The following SLC6A6 variants were observed in gnomAD, a reference collection of about 807,000 sequenced individuals.
The protein encoded by SLC6A6 is sodium- and chloride-dependent taurine transporter.
SLC6A6 carries 16 observed loss-of-function variants against 68.8 expected under a neutral mutation model. The observed-to-expected ratio is 0.23, with a 90% CI of 0.16 to 0.35. The LOEUF is 0.35. Among genes scored for constraint, SLC6A6 ranks in the 10% least tolerant of loss-of-function variants. The probability of loss-of-function intolerance (pLI) is 1.00; values close to 1 mark genes in which losing one functional copy is unlikely to be tolerated. For missense variants in SLC6A6, 474 were observed against 802.8 expected, an observed-to-expected ratio of 0.59 and a Z score of 4.95; for synonymous variants, 312 against 315.4, an observed-to-expected ratio of 0.99 and a Z score of 0.12.
chr3:14,483,242 C>T (rs1232679139), intron 14 of SLC6A6, among the ~76,000 whole-genome samples: 2 of 152,178 alleles, frequency 1.3e-5, no homozygotes, highest in Admixed American at 6.5e-5. Context: ...CACACTGGTA[C>T]CCCGTCCTCC....
In SLC6A6 at chr3:14,468,754, C is replaced by T. The variant is rs755278509; in HGVS notation, c.1096+542C>T. Among the ~76,000 whole-genome samples, 13 of 152,276 alleles carry T rather than the reference C, an allele frequency of 8.5e-5. No homozygotes were observed. Among genetic ancestry groups the T allele is most frequent in the Middle Eastern group, 3.4e-3 (1 of 294 alleles). The stretch of plus-strand genomic sequence containing the variant: ...TGGGGGGAGGGCGTAGATGAGGGGA[C>T]GACCTACTGGGACGGTGGCAGATCC... On this transcript the variant is annotated intron_variant, in intron 9 of 14. Transcript: ENST00000622186. The surrounding 1 kb of genome is among the most constrained non-coding windows in gnomAD (Gnocchi z 4.5).
At position 14,415,701 on chromosome 3, in the gene SLC6A6, A is replaced by G. The variant is rs565373455; in HGVS notation, c.-53-711A>G. On this transcript the variant is annotated intron_variant, in intron 1 of 14. Coordinates refer to ENST00000622186, the MANE Select transcript of SLC6A6 (RefSeq NM_003043.6). ...TTCCCAAACTGAGCTTCTACTGAAA[A>G]AGACAACAGAACCCCCCCGCTCCAA... Among the ~76,000 whole-genome samples, 3 of 152,128 alleles carry G rather than the reference A, an allele frequency of 2.0e-5. No homozygotes were observed. The South Asian group carries it at 6.2e-4, about 32-fold the overall frequency.
Position 14,444,006 on chromosome 3 carries a change from G to A in SLC6A6, c.229+143G>A, listed in dbSNP as rs1200519829. 1.7e-5 allele frequency: 11 copies of A among 629,546 alleles called. No homozygotes were observed. The Admixed American group carries it at 2.4e-4, about 14-fold the overall frequency. 39.0% of individuals were successfully genotyped at this position (629,546 alleles called of 1,614,324 possible). On this transcript the variant is annotated intron_variant, in intron 3 of 14. Transcript: ENST00000622186. Reference sequence around the variant, plus strand: ...GACCTCCATGAGGTCAGCCTGCCATGCTCCTGCCAACCCCACCCTTAGAGA... The same window carrying A: ...GACCTCCATGAGGTCAGCCTGCCATACTCCTGCCAACCCCACCCTTAGAGA...
At chr3:14,459,256 G>C (rs1700440388) in intron 6 of SLC6A6, among the ~76,000 whole-genome samples, 1 of 152,236 alleles carries the variant, frequency 6.6e-6, no homozygotes, top group African/African-American at 2.4e-5. Flanking sequence ...TAGCATTCCA[G>C]ATGGAGCTGT....
At position 14,479,165 on chromosome 3, in the gene SLC6A6, A is replaced by ATCAC. The variant is rs1433921456; in HGVS notation, c.1534_1537dup (p.Pro513HisfsTer58). On this transcript the variant is annotated frameshift_variant, in exon 13 of 15. Coordinates refer to ENST00000622186, the MANE Select transcript of SLC6A6 (RefSeq NM_003043.6). LOFTEE classifies it high-confidence loss of function. ...CTGGATGAAGTACAGCTGGGCTGTG[A>ATCAC]TCACTCCAGTTCTCTGTGTTGTGAG... The ATCAC allele has an allele frequency of 6.2e-7, 1 of 1,610,250 alleles. No individual in the cohort carries two copies. The highest frequency in any genetic ancestry group is 1.3e-5 in the African/African-American group (1 of 74,810).
At chr3:14,433,618 A>G (rs62231855) in intron 2 of SLC6A6, among the ~76,000 whole-genome samples, 32,631 of 151,856 alleles carry the variant, frequency 0.21, 3,614 homozygotes, top group South Asian at 0.25. Flanking sequence ...CCTGGCCAAC[A>G]TGGTGAAACC....
intron 2 of SLC6A6, among the ~76,000 whole-genome samples, chr3:14,422,190 G>A (rs754587720): frequency 1.3e-5 from 2 of 152,104 alleles, no homozygotes; most frequent in East Asian, 1.9e-4. Flanking sequence ...AGACAGCCTC[G>A]GGGGTTTTGG....
intron 1 of SLC6A6, among the ~76,000 whole-genome samples, chr3:14,415,172 C>T (rs963751359): frequency 2.0e-5 from 3 of 152,190 alleles, no homozygotes; most frequent in African/African-American, 7.2e-5. Context: ...CACTGCTGAG[C>T]TTCATGTGCC....
chr3:14,433,883 A>T (rs1699791555), intron 2 of SLC6A6, among the ~76,000 whole-genome samples: 1 of 150,312 alleles, frequency 6.7e-6, no homozygotes, highest in Non-Finnish European at 1.5e-5. Context: ...TCCCTTTCAG[A>T]GTAGAAGGGA....
intron 2 of SLC6A6, among the ~76,000 whole-genome samples, chr3:14,428,948 T>A (rs142296525): frequency 3.3e-5 from 5 of 152,258 alleles, no homozygotes; most frequent in Non-Finnish European, 7.4e-5. Context: ...CTCATTCCTG[T>A]CCTTAGAGAC....
At chr3:14,423,043 G>T (rs1699517972) in intron 2 of SLC6A6, among the ~76,000 whole-genome samples, 1 of 152,198 alleles carries the variant, frequency 6.6e-6, no homozygotes, top group African/African-American at 2.4e-5. Flanking sequence ...TGAGAAGGAA[G>T]CCAGGATTGA....
At chr3:14,414,064 G>A (rs1452067222) in intron 1 of SLC6A6, among the ~76,000 whole-genome samples, 1 of 152,062 alleles carries the variant, frequency 6.6e-6, no homozygotes, top group Non-Finnish European at 1.5e-5. Flanking sequence ...AAAGCCTGGG[G>A]CCATACTTCA....
Position 14,458,093 on chromosome 3 carries a change from C to T in SLC6A6, c.732+11C>T, listed in dbSNP as rs980718220. On this transcript the variant is annotated intron_variant, in intron 6 of 14. Coordinates refer to ENST00000622186, the MANE Select transcript of SLC6A6 (RefSeq NM_003043.6). ...AGGTCCACTGGGAAGGTAAGTTGGA[C>T]TTCTGTCCGTCCCCTGCCTCCTGGA... is the stretch of plus-strand genomic sequence containing the variant. The T allele has an allele frequency of 6.2e-7, 1 of 1,613,092 alleles. No individual in the cohort carries two copies. The highest frequency in any genetic ancestry group is 2.2e-5 in the East Asian group (1 of 44,878).
At chr3:14,476,951 A>G (rs1700892527) in intron 10 of SLC6A6, among the ~76,000 whole-genome samples, 1 of 152,198 alleles carries the variant, frequency 6.6e-6, no homozygotes, top group African/African-American at 2.4e-5. Flanking sequence ...AGAGGTGTGG[A>G]ATATTTGGCC....
At chr3:14,410,477 G>C (rs1699226935) in intron 1 of SLC6A6, among the ~76,000 whole-genome samples, 1 of 152,204 alleles carries the variant, frequency 6.6e-6, no homozygotes, top group Non-Finnish European at 1.5e-5. Flanking sequence ...TTCCTGGAAA[G>C]CTCAAGAAGG....
At chr3:14,466,435 C>G (rs992001605) in intron 6 of SLC6A6, 81 bp from the exon 7 acceptor site, 21 of 1,489,774 alleles carry the variant, frequency 1.4e-5, no homozygotes, top group Non-Finnish European at 1.8e-5. Context: ...CAGTGCTCCC[C>G]TCTGCCTCTC....
chr3:14,428,995 G>A (rs1227483173), intron 2 of SLC6A6, among the ~76,000 whole-genome samples: 4 of 152,098 alleles, frequency 2.6e-5, no homozygotes, highest in Non-Finnish European at 4.4e-5. Context: ...TGTGCCCCTC[G>A]CCTGCTGCAG....
chr3:14,403,511 T>C (rs1487255027), intron 1 of SLC6A6, among the ~76,000 whole-genome samples: 1 of 152,116 alleles, frequency 6.6e-6, no homozygotes, highest in Non-Finnish European at 1.5e-5. Flanking sequence ...GAGGGTCCAA[T>C]GGCCAGAGCT....
chr3:14,419,917 G>T (rs1699449476), intron 2 of SLC6A6, among the ~76,000 whole-genome samples: 1 of 152,022 alleles, frequency 6.6e-6, no homozygotes, highest in African/African-American at 2.4e-5. Context: ...ACCCTCTCTG[G>T]GCTTGTGGTG....
Sources: gnomAD v4.1 joint callset for allele counts (sites outside exome capture counted in the v4.1 genomes callset) on GRCh38, gnomAD v4.1.1 for gene constraint, Gnocchi (gnomAD v3.1) non-coding constraint, MANE v1.5 for transcripts, NCBI Gene and HGNC (gene_info 2026-07-23, HGNC 2026-07-21) for gene names.